Variants in CLINT1 observed in about 807,000 individuals in gnomAD.
The protein encoded by CLINT1 is clathrin interactor 1, also known as clathrin interacting protein localized in the trans-Golgi region.
Under a neutral mutation model 70.4 loss-of-function variants are expected in CLINT1, and 15 were observed. The observed-to-expected ratio is 0.21, with a 90% confidence interval of 0.14 to 0.33. The LOEUF (loss-of-function observed/expected upper bound fraction) is 0.33, where lower values mean the gene tolerates loss of function less well. CLINT1 is among the 10% of genes least tolerant of loss of function. The pLI, the probability that CLINT1 is intolerant of heterozygous loss-of-function variation, is 1.00. For missense variants in CLINT1, 615 were observed against 778.1 expected (o/e 0.79, Z 2.49); for synonymous variants, 227 against 254.7 (o/e 0.89, Z 1.04).
At chr5:157,816,299 T>C (rs1465783859) in intron 3 of CLINT1, among the ~76,000 whole-genome samples, 1 of 152,204 alleles carries the variant, frequency 6.6e-6, no homozygotes, top group Non-Finnish European at 1.5e-5. Flanking sequence ...TTCGTATTCA[T>C]AAGTTTAAAA....
At chr5:157,811,555 A>C (rs1762559537) in intron 5 of CLINT1, among the ~76,000 whole-genome samples, 1 of 151,880 alleles carries the variant, frequency 6.6e-6, no homozygotes, top group South Asian at 2.1e-4. Flanking sequence ...GAAAAGAAAA[A>C]GAAAAAACAC....
chr5:157,837,411 T>TAC (rs112077491), intron 1 of CLINT1, among the ~76,000 whole-genome samples: 5,859 of 147,670 alleles, frequency 0.04, 163 homozygotes, highest in African/African-American at 0.088. Context: ...TATATGTAAA[T>TAC]ACACACACAC....
At chr5:157,854,898 C>T (rs1006540594) in intron 1 of CLINT1, among the ~76,000 whole-genome samples, 1 of 152,042 alleles carries the variant, frequency 6.6e-6, no homozygotes, top group Non-Finnish European at 1.5e-5. Flanking sequence ...AATCCCAGCA[C>T]TTTGGGAGGC....
At chr5:157,792,028 T>G in intron 9 of CLINT1, 33 bp from the exon 10 acceptor site, 1 of 1,570,734 alleles carries the variant, frequency 6.4e-7, no homozygotes. Context: ...GGTAAGAAAC[T>G]TCATGGAATG....
chr5:157,805,237 G>A (rs970183233), intron 7 of CLINT1, among the ~76,000 whole-genome samples: 3 of 152,116 alleles, frequency 2.0e-5, no homozygotes, highest in East Asian at 1.9e-4. Flanking sequence ...AACAGTAGTC[G>A]GGGAAAGTGA....
intron 1 of CLINT1, among the ~76,000 whole-genome samples, chr5:157,850,467 C>T (rs1015603582): frequency 7.9e-5 from 12 of 151,526 alleles, no homozygotes; most frequent in African/African-American, 2.7e-4. Flanking sequence ...AAAAATTAGC[C>T]GGGCATGGTG....
intron 1 of CLINT1, among the ~76,000 whole-genome samples, chr5:157,817,906 G>A (rs1285148809): frequency 2.0e-5 from 3 of 152,138 alleles, no homozygotes; most frequent in Non-Finnish European, 2.9e-5. Context: ...ACCAGATCTG[G>A]TTTACATGCA....
At chr5:157,813,426 C>T (rs920668452) in intron 4 of CLINT1, among the ~76,000 whole-genome samples, 199 bp from the exon 5 acceptor site, 1 of 151,972 alleles carries the variant, frequency 6.6e-6, no homozygotes, top group Non-Finnish European at 1.5e-5. Context: ...GGAATTTTGG[C>T]TTATAAGAGC....
At chr5:157,804,742 T>A (rs1178273491) in intron 7 of CLINT1, among the ~76,000 whole-genome samples, 1 of 151,856 alleles carries the variant, frequency 6.6e-6, no homozygotes, top group Non-Finnish European at 1.5e-5. Flanking sequence ...CTGACCAACA[T>A]GGAGAAAGCC....
intron 8 of CLINT1, among the ~76,000 whole-genome samples, chr5:157,800,726 T>G (rs1294074618): frequency 6.6e-6 from 1 of 152,216 alleles, no homozygotes. Flanking sequence ...ACTATATTAA[T>G]ATCAATTGCT....
At chr5:157,833,652 CA>C (rs1763320461) in intron 1 of CLINT1, among the ~76,000 whole-genome samples, 1 of 152,084 alleles carries the variant, frequency 6.6e-6, no homozygotes, top group South Asian at 2.1e-4. Context: ...CAACTAAAAC[CA>C]GTGTATCAGA....
chr5:157,838,873 T>G (rs1034165811), intron 1 of CLINT1, among the ~76,000 whole-genome samples: 1 of 152,228 alleles, frequency 6.6e-6, no homozygotes, highest in African/African-American at 2.4e-5. Context: ...CAAATAGCAT[T>G]GCTAGAAGTA....
At chr5:157,839,036 C>A (rs1431208626) in intron 1 of CLINT1, among the ~76,000 whole-genome samples, 2 of 151,284 alleles carry the variant, frequency 1.3e-5, no homozygotes, top group African/African-American at 2.4e-5. Context: ...TGAGATTTTC[C>A]TGGGCAACAT....
chr5:157,823,782 G>A lies in CLINT1; in HGVS notation c.42-6235C>T, dbSNP rs191009848. On this transcript the variant is annotated intron_variant, in intron 1 of 11. Transcript: ENST00000411809. ...GTAGAATAGGGGTACCCAACCCCCG[G>A]AGTTGCGGACCGGCCTGTTGGGAAT... The A allele has an allele frequency of 4.6e-4, 359 of 786,090 alleles. 4 individuals are homozygous for A. In the African/African-American group the frequency reaches 5.6e-3, roughly 12 times the overall value. 48.7% of individuals were successfully genotyped at this position (786,090 alleles called of 1,614,324 possible).
At chr5:157,819,978 G>A (rs905136275) in intron 1 of CLINT1, among the ~76,000 whole-genome samples, 2 of 152,192 alleles carry the variant, frequency 1.3e-5, no homozygotes, top group African/African-American at 4.8e-5. Context: ...TGTTTAGAGG[G>A]AGAGGTGGCA....
chr5:157,809,886 T>C, intron 5 of CLINT1, 81 bp from the exon 6 acceptor site: 2 of 1,329,778 alleles, frequency 1.5e-6, no homozygotes, highest in Non-Finnish European at 2.1e-6. Context: ...TTCTCAGGCT[T>C]TTCCTCATAA....
chr5:157,792,085 A>G (rs1761931741), intron 9 of CLINT1, 90 bp from the exon 10 acceptor site: 1 of 1,108,772 alleles, frequency 9.0e-7, no homozygotes. Context: ...ATTAGAGCTG[A>G]TCTGAGTCCC....
chr5:157,793,793 C>T (rs1761986746), intron 9 of CLINT1, among the ~76,000 whole-genome samples: 1 of 152,054 alleles, frequency 6.6e-6, no homozygotes, highest in South Asian at 2.1e-4. Context: ...TCAAAATAAC[C>T]CCAAACCATT....
At position 157,785,895 on chromosome 5, in the gene CLINT1, C is replaced by T. The variant is rs1761708408; in HGVS notation, c.*1751G>A. The T allele has an allele frequency of 6.6e-6, 1 of 152,190 alleles. No individual in the cohort carries two copies. Among genetic ancestry groups the T allele is most frequent in the South Asian group, 2.1e-4 (1 of 4,832 alleles). The allele number at this position is 152,190 out of a possible 1,614,324, so 9.4% of individuals were successfully genotyped here. On this transcript the variant is annotated 3_prime_UTR_variant, in exon 12 of 12. Coordinates refer to ENST00000411809, the MANE Select transcript of CLINT1 (RefSeq NM_014666.4). ...CGGCCACCAGAGGCTGGCTTGATTG[C>T]TCTGAAGTAACAACACTTGAAAGCT...
Sources: gnomAD v4.1 joint callset for allele counts (sites outside exome capture counted in the v4.1 genomes callset) on GRCh38, gnomAD v4.1.1 for gene constraint, MANE v1.5 for transcripts, NCBI Gene and HGNC (gene_info 2026-07-23, HGNC 2026-07-21) for gene names.